The following FRMPD4 variants were observed in gnomAD, a reference collection of about 807,000 sequenced individuals.
FRMPD4 encodes the protein FERM and PDZ domain-containing protein 4.
In FRMPD4, 22 loss-of-function variants were observed where a neutral mutation model predicts 94.1. That is an observed-to-expected ratio of 0.23 (90% CI 0.17 to 0.33). The LOEUF is 0.33. Among genes scored for constraint, FRMPD4 ranks in the 10% least tolerant of loss-of-function variants. The pLI, the probability that FRMPD4 is intolerant of heterozygous loss-of-function variation, is 1.00. For missense variants in FRMPD4, 1,111 were observed against 1,339.9 expected (o/e 0.83, Z 2.67); for synonymous variants, 631 against 548.6 (o/e 1.15, Z -2.10).
chrX:11,963,085 A>G (rs2054292049), intron 3 of FRMPD4, among the ~76,000 whole-genome samples: 1 of 96,586 alleles, frequency 1.0e-5, no homozygotes, highest in South Asian at 5.2e-4. Context: ...TTCAATATGT[A>G]TACTAGGGTG....
intron 2 of FRMPD4, among the ~76,000 whole-genome samples, chrX:12,596,645 C>T (rs936723994): frequency 9.0e-6 from 1 of 110,598 alleles, no homozygotes; most frequent in South Asian, 3.9e-4. Flanking sequence ...CACAAGACTA[C>T]CTCCAAGTGT....
chrX:12,583,680 G>T (rs1405000126), intron 2 of FRMPD4, among the ~76,000 whole-genome samples: 1 of 113,031 alleles, frequency 8.8e-6, no homozygotes, highest in Non-Finnish European at 1.9e-5. Context: ...CCTGTCTGCG[G>T]TCCAGCTGGT....
chrX:12,304,637 AACAG>A (rs1416907134), intron 1 of FRMPD4, among the ~76,000 whole-genome samples: 2 of 111,749 alleles, frequency 1.8e-5, no homozygotes, highest in African/African-American at 6.5e-5. Flanking sequence ...GTTCCTTATC[AACAG>A]AGAAAGAGCA....
At chrX:12,215,848 G>A (rs957472241) in intron 1 of FRMPD4, among the ~76,000 whole-genome samples, 4 of 111,541 alleles carry the variant, frequency 3.6e-5, no homozygotes, top group East Asian at 2.8e-4. Context: ...ACATCCTGTG[G>A]GCCAAACCTA....
intron 3 of FRMPD4, among the ~76,000 whole-genome samples, chrX:11,982,683 T>C (rs771542261): frequency 8.9e-6 from 1 of 111,992 alleles, no homozygotes; most frequent in Admixed American, 9.5e-5. Flanking sequence ...AAATCCGCTG[T>C]TTAATCTGTC....
At chrX:12,135,049 T>C (rs763750513), upstream of FRMPD4, among the ~76,000 whole-genome samples, 16 of 112,002 alleles carry the variant, frequency 1.4e-4, no homozygotes, top group Admixed American at 3.8e-4. Context: ...CTTTCAACAG[T>C]GTTTGAAAGT....
chrX:12,679,157 C>A, intron 5 of FRMPD4, among the ~76,000 whole-genome samples: 1 of 111,998 alleles, frequency 8.9e-6, no homozygotes, highest in East Asian at 2.8e-4. Flanking sequence ...TGCCTGTGGG[C>A]TCTTCCTGGC....
chrX:12,353,903 C>A (rs1371306590), intron 1 of FRMPD4, among the ~76,000 whole-genome samples: 4 of 111,702 alleles, frequency 3.6e-5, no homozygotes, highest in Non-Finnish European at 7.5e-5. Flanking sequence ...AACAGGATTT[C>A]CTTAAACATT....
chrX:12,158,602 A>G (rs1313596607), intron 1 of FRMPD4, among the ~76,000 whole-genome samples: 6 of 112,280 alleles, frequency 5.3e-5, no homozygotes, highest in Non-Finnish European at 1.1e-4. Flanking sequence ...GTCTTTGAAC[A>G]TAATATCAAT....
chrX:12,696,586 C>CAAAAAAAAAAAA (rs57877846), intron 9 of FRMPD4, among the ~76,000 whole-genome samples: 20 of 30,040 alleles, frequency 6.7e-4, no homozygotes, highest in African/African-American at 8.4e-4. Flanking sequence ...AAAAATGAAG[C>CAAAAAAAAAAAA]AAAAAAAAAA....
intron 2 of FRMPD4, among the ~76,000 whole-genome samples, chrX:12,521,408 C>T (rs1024484933): frequency 1.8e-5 from 2 of 111,945 alleles, no homozygotes; most frequent in South Asian, 3.7e-4. Flanking sequence ...CTCCTTTCCC[C>T]ATCTGCAATG....
At chrX:12,404,003 T>TTTTCAAACA (rs1267981578) in intron 1 of FRMPD4, among the ~76,000 whole-genome samples, 11 of 111,830 alleles carry the variant, frequency 9.8e-5, no homozygotes, top group African/African-American at 3.6e-4. Flanking sequence ...ATTATGAATA[T>TTTTCAAACA]TTTCAAACAT....
intron 3 of FRMPD4, among the ~76,000 whole-genome samples, chrX:11,957,808 T>A (rs1364352587): frequency 8.9e-6 from 1 of 112,455 alleles, no homozygotes; most frequent in East Asian, 2.8e-4. Context: ...ATGCATAGTT[T>A]TCCCTTTGGA....
At chrX:12,072,443 T>A (rs2054977301) in intron 3 of FRMPD4, among the ~76,000 whole-genome samples, 1 of 111,900 alleles carries the variant, frequency 8.9e-6, no homozygotes, top group Admixed American at 9.5e-5. Flanking sequence ...GTACTGTATG[T>A]TGCTCACTGT....
chrX:12,289,748 A>G (rs2054656729), intron 1 of FRMPD4, among the ~76,000 whole-genome samples: 1 of 111,624 alleles, frequency 9.0e-6, no homozygotes, highest in Non-Finnish European at 1.9e-5. Context: ...GGAAGAGAAG[A>G]AAACCCTGAG....
At chrX:12,008,952 A>G (rs5933951) in intron 3 of FRMPD4, among the ~76,000 whole-genome samples, 1,760 of 112,182 alleles carry the variant, frequency 0.016, 6 homozygotes, top group South Asian at 0.019. Context: ...TATTTTGCCA[A>G]TAGGATAGCC....
intron 2 of FRMPD4, among the ~76,000 whole-genome samples, chrX:12,590,493 T>G (rs1041878767): frequency 1.3e-4 from 14 of 111,991 alleles, no homozygotes; most frequent in African/African-American, 4.5e-4. Context: ...TATACCAAGT[T>G]TAATATGAAA....
intron 2 of FRMPD4, among the ~76,000 whole-genome samples, chrX:12,516,899 CTTTTT>C (rs35098575): frequency 1.5e-5 from 1 of 68,432 alleles, no homozygotes; most frequent in African/African-American, 5.2e-5. Context: ...CCTTTTCGTT[CTTTTT>C]TTTTTTTTTT....
At chrX:12,231,050 A>AATATATATATATATATAT (rs34870506) in intron 1 of FRMPD4, among the ~76,000 whole-genome samples, 1 of 30,572 alleles carries the variant, frequency 3.3e-5, no homozygotes, top group African/African-American at 1.1e-4. Context: ...ATATATATAA[A>AATATATATATATATATAT]ATATATATAT....
Sources: gnomAD v4.1 joint callset for allele counts (sites outside exome capture counted in the v4.1 genomes callset) on GRCh38, gnomAD v4.1.1 for gene constraint, MANE v1.5 for transcripts, NCBI Gene and HGNC (gene_info 2026-07-23, HGNC 2026-07-21) for gene names.